CNTLN: variants seen among roughly 807,000 people sequenced by gnomAD.
The protein encoded by CNTLN is centlein, centrosomal protein.
A neutral mutation model predicts 180.0 loss-of-function variants in CNTLN; 212 were observed. The observed-to-expected ratio is 1.18, with a 90% confidence interval of 1.05 to 1.32. The LOEUF is 1.32. Among genes scored for constraint, CNTLN ranks in the 40% most tolerant of loss-of-function variants. The pLI, the probability that CNTLN is intolerant of heterozygous loss-of-function variation, is 0.00. For missense variants in CNTLN, 2,095 were observed against 1,610.9 expected (o/e 1.30, Z -5.14); for synonymous variants, 722 against 563.1 (o/e 1.28, Z -3.99).
chr9:17,361,074 A>G (rs1823347289), intron 12 of CNTLN, among the ~76,000 whole-genome samples: 2 of 151,954 alleles, frequency 1.3e-5, no homozygotes, highest in Admixed American at 6.6e-5. Flanking sequence ...TTAAATTATT[A>G]TTATACTTTA....
intron 6 of CNTLN, among the ~76,000 whole-genome samples, chr9:17,296,112 T>G (rs1031317938): frequency 3.3e-5 from 5 of 151,670 alleles, no homozygotes; most frequent in African/African-American, 1.2e-4. Flanking sequence ...AAATGATTCC[T>G]CTGCCTCAGC....
intron 12 of CNTLN, among the ~76,000 whole-genome samples, chr9:17,353,758 A>T (rs1822566823): frequency 6.6e-6 from 1 of 151,642 alleles, no homozygotes; most frequent in Admixed American, 6.6e-5. Flanking sequence ...TGCCACTGAG[A>T]GGTGACAGCG....
intron 1 of CNTLN, among the ~76,000 whole-genome samples, chr9:17,140,507 C>A (rs1187498851): frequency 6.6e-6 from 1 of 152,114 alleles, no homozygotes; most frequent in Non-Finnish European, 1.5e-5. Context: ...GTTTCATGAT[C>A]ATGGCTCATT....
intron 14 of CNTLN, among the ~76,000 whole-genome samples, chr9:17,388,991 G>T (rs1825897357): frequency 6.6e-6 from 1 of 151,734 alleles, no homozygotes; most frequent in Non-Finnish European, 1.5e-5. Context: ...ATTGTCATTT[G>T]GCTACATTAG....
chr9:17,143,207 T>C, intron 1 of CNTLN, 81 bp from the exon 2 acceptor site: 1 of 979,052 alleles, frequency 1.0e-6, no homozygotes, highest in East Asian at 2.5e-5. Flanking sequence ...TAATTGTTTT[T>C]TCATTTTAAA....
chr9:17,466,242 A>G (rs1409873278), intron 22 of CNTLN, 124 bp downstream of exon 22: 4 of 748,210 alleles, frequency 5.3e-6, no homozygotes, highest in Non-Finnish European at 6.6e-6. Context: ...GATAAGTGCA[A>G]AGAGGATTTG....
chr9:17,241,695 T>G (rs1167248192), intron 5 of CNTLN, among the ~76,000 whole-genome samples: 5 of 140,438 alleles, frequency 3.6e-5, no homozygotes, highest in Admixed American at 3.4e-4. Flanking sequence ...AAGGTATTTC[T>G]TTCCATTTTT....
chr9:17,415,265 T>C (rs1053262209), intron 16 of CNTLN, among the ~76,000 whole-genome samples: 4 of 152,180 alleles, frequency 2.6e-5, no homozygotes, highest in Non-Finnish European at 5.9e-5. Context: ...TTGTCAGCAT[T>C]ATTTTTAGCT....
At chr9:17,199,603 G>C (rs969769102) in intron 2 of CNTLN, among the ~76,000 whole-genome samples, 11 of 152,154 alleles carry the variant, frequency 7.2e-5, no homozygotes, top group Non-Finnish European at 7.4e-5. Flanking sequence ...GAGATGATGA[G>C]CTTTTTTTCT....
At chr9:17,354,785 C>A (rs577246513) in intron 12 of CNTLN, among the ~76,000 whole-genome samples, 1 of 152,150 alleles carries the variant, frequency 6.6e-6, no homozygotes, top group South Asian at 2.1e-4. Context: ...CGCTCCAGTC[C>A]CCTTCCACAC....
chr9:17,349,639 T>C (rs1822198337), intron 12 of CNTLN, among the ~76,000 whole-genome samples: 2 of 152,160 alleles, frequency 1.3e-5, no homozygotes, highest in South Asian at 4.1e-4. Context: ...CGCATAGGAA[T>C]CTGAGGACTT....
chr9:17,419,479 A>G (rs1828533178), intron 18 of CNTLN, among the ~76,000 whole-genome samples: 1 of 152,126 alleles, frequency 6.6e-6, no homozygotes, highest in Non-Finnish European at 1.5e-5. Flanking sequence ...AATATGAGGA[A>G]AATGTTATAC....
rs1294151804 is a variant in CNTLN, at chr9:17,488,502, T to G, written c.4119+1436T>G. On this transcript the variant is annotated intron_variant, in intron 25 of 25. Coordinates refer to ENST00000380647, the MANE Select transcript of CNTLN (RefSeq NM_017738.4). ...TTCACTTTGTAAATATGGCCTGTAT[T>G]TATTTGAATTAGAAATTTTATCATA... 2.6e-5 allele frequency among the ~76,000 whole-genome samples: 4 copies of G among 152,190 alleles called. No individual in the cohort carries two copies. The East Asian group carries it at 7.7e-4, about 29-fold the overall frequency.
chr9:17,212,354 C>T (rs1021505854), intron 2 of CNTLN, among the ~76,000 whole-genome samples: 7 of 152,112 alleles, frequency 4.6e-5, no homozygotes, highest in East Asian at 1.9e-4. Context: ...TGCTGGATTA[C>T]GTTTATTGAT....
At chr9:17,335,757 G>A (rs1391926318) in intron 10 of CNTLN, among the ~76,000 whole-genome samples, 1 of 151,708 alleles carries the variant, frequency 6.6e-6, no homozygotes, top group Non-Finnish European at 1.5e-5. Context: ...GGACAACATG[G>A]CAAAACCCTG....
chr9:17,477,270 G>T (rs905687468), intron 23 of CNTLN, among the ~76,000 whole-genome samples: 1 of 152,140 alleles, frequency 6.6e-6, no homozygotes, highest in Non-Finnish European at 1.5e-5. Flanking sequence ...TGTACATTGA[G>T]ATTAATGCTG....
intron 2 of CNTLN, among the ~76,000 whole-genome samples, chr9:17,225,947 G>A (rs886353059): frequency 1.3e-5 from 2 of 151,976 alleles, no homozygotes; most frequent in South Asian, 2.1e-4. Context: ...AGCGATGACA[G>A]TATGGTTATT....
Position 17,494,438 on chromosome 9 carries a change from G to C in CNTLN, c.4119+7372G>C, listed in dbSNP as rs185458955. On this transcript the variant is annotated intron_variant, in intron 25 of 25. Coordinates refer to ENST00000380647, the MANE Select transcript of CNTLN (RefSeq NM_017738.4). ...TTATATAGGTAAACTCATGTCGTGGGGGTTTGTTGTATAGATTATTTCATC... is the reference window on the plus strand; with the variant it reads ...TTATATAGGTAAACTCATGTCGTGGCGGTTTGTTGTATAGATTATTTCATC... 4.6e-5 allele frequency among the ~76,000 whole-genome samples: 7 copies of C among 152,084 alleles called. No individual in the cohort carries two copies. In the East Asian group the frequency reaches 1.2e-3, roughly 25 times the overall value.
chr9:17,345,282 A>G (rs1821792211), intron 12 of CNTLN, among the ~76,000 whole-genome samples: 1 of 152,156 alleles, frequency 6.6e-6, no homozygotes, highest in South Asian at 2.1e-4. Context: ...TTGAATGGCA[A>G]AAGTTTTTAA....
Sources: allele counts gnomAD v4.1 joint callset (sites outside exome capture counted in the v4.1 genomes callset), GRCh38; gene constraint gnomAD v4.1.1; transcripts MANE v1.5; gene names NCBI Gene and HGNC (gene_info 2026-07-23, HGNC 2026-07-21).